Variants in EYA4 observed in about 807,000 individuals in gnomAD.
EYA4 encodes the protein EYA transcriptional coactivator and phosphatase 4, also known as protein phosphatase EYA4.
A neutral mutation model predicts 87.9 loss-of-function variants in EYA4; 31 were observed. That is an observed-to-expected ratio of 0.35 (90% confidence interval 0.27 to 0.48). The LOEUF (loss-of-function observed/expected upper bound fraction) is 0.48, where lower values mean the gene tolerates loss of function less well. Among genes scored for constraint, EYA4 ranks in the 20% least tolerant of loss-of-function variants. The probability of loss-of-function intolerance (pLI) is 0.99; values close to 1 mark genes in which losing one functional copy is unlikely to be tolerated. For synonymous variants in EYA4, 263 were observed against 270.6 expected, an observed-to-expected ratio of 0.97 and a Z score of 0.28; for missense variants, 678 against 761.4, an observed-to-expected ratio of 0.89 and a Z score of 1.29.
intron 2 of EYA4, among the ~76,000 whole-genome samples, chr6:133,279,438 TG>T (rs1430447879): frequency 6.6e-6 from 1 of 152,152 alleles, no homozygotes; most frequent in Non-Finnish European, 1.5e-5. Context: ...TTAATACTTC[TG>T]GAAATTCATT....
At chr6:133,376,750 C>G (rs1785721626) in intron 2 of EYA4, among the ~76,000 whole-genome samples, 2 of 151,710 alleles carry the variant, frequency 1.3e-5, no homozygotes, top group Non-Finnish European at 2.9e-5. Context: ...CCAAAGAGTC[C>G]AGAAATTATG....
At chr6:133,272,375 G>T (rs887136297) in intron 1 of EYA4, among the ~76,000 whole-genome samples, 1 of 152,182 alleles carries the variant, frequency 6.6e-6, no homozygotes, top group Non-Finnish European at 1.5e-5. Flanking sequence ...ACTTACTTGT[G>T]CCTTCAGGAC....
rs140781878 is a variant in EYA4, at chr6:133,459,002, A to G, written c.371-2112A>G. On this transcript the variant is annotated intron_variant, in intron 6 of 19. Transcript: ENST00000355286. ...CGAAATTCTTTCAAGTTTGTACAAG[A>G]TATTCCAGAAACCATTCTGGAAATG... Among the ~76,000 whole-genome samples the G allele has an allele frequency of 2.6e-3, 393 of 152,282 alleles. 1 individual carries two copies. The highest frequency in any genetic ancestry group is 7.5e-3 in the African/African-American group (313 of 41,562).
At chr6:133,276,970 A>G (rs1164241868) in intron 2 of EYA4, among the ~76,000 whole-genome samples, 1 of 152,108 alleles carries the variant, frequency 6.6e-6, no homozygotes, top group East Asian at 1.9e-4. Context: ...TCTTTGAATG[A>G]AATCTTTATA....
chr6:133,393,332 A>G (rs184419803), intron 3 of EYA4, among the ~76,000 whole-genome samples: 1 of 152,338 alleles, frequency 6.6e-6, no homozygotes, highest in East Asian at 1.9e-4. Context: ...TGGGTCAGGC[A>G]CCAAATGCTT....
intron 3 of EYA4, among the ~76,000 whole-genome samples, chr6:133,440,150 C>A (rs778845974): frequency 3.4e-4 from 52 of 152,200 alleles, no homozygotes; most frequent in African/African-American, 1.0e-3. Context: ...GTAATTTGAA[C>A]AACTCTTTAT....
intron 3 of EYA4, among the ~76,000 whole-genome samples, chr6:133,410,678 CT>C (rs1333384880): frequency 5.4e-5 from 8 of 147,988 alleles, no homozygotes; most frequent in Non-Finnish European, 1.2e-4. Flanking sequence ...GCATTGAAGG[CT>C]CCCTACTCTG....
intron 3 of EYA4, among the ~76,000 whole-genome samples, chr6:133,397,039 G>A (rs1008362734): frequency 2.6e-5 from 4 of 152,216 alleles, no homozygotes; most frequent in African/African-American, 9.6e-5. Context: ...CTTAGAAAAT[G>A]TTAGTGAAGC....
intron 2 of EYA4, among the ~76,000 whole-genome samples, chr6:133,317,265 C>A (rs1368082498): frequency 2.0e-5 from 3 of 152,168 alleles, no homozygotes; most frequent in Admixed American, 2.0e-4. Flanking sequence ...GTGTGCAGAT[C>A]TTCATGATGC....
chr6:133,436,897 A>T (rs1028499031), intron 3 of EYA4, among the ~76,000 whole-genome samples: 75 of 152,332 alleles, frequency 4.9e-4, no homozygotes, highest in African/African-American at 1.6e-3. Context: ...TAATGGCTTC[A>T]GAGTTCGAGT....
intron 5 of EYA4, chr6:133,453,089 A>T (rs1260221287): frequency 6.6e-6 from 1 of 152,098 alleles, no homozygotes; most frequent in African/African-American, 2.4e-5. Flanking sequence ...TTAATTTAAG[A>T]AAGACAAAAT....
At chr6:133,474,585 A>T (rs1458937450) in intron 11 of EYA4, among the ~76,000 whole-genome samples, 2 of 152,112 alleles carry the variant, frequency 1.3e-5, no homozygotes, top group Non-Finnish European at 2.9e-5. Flanking sequence ...AATTAATTCT[A>T]CTTATAACTA....
Position 133,387,343 on chromosome 6 carries a change from C to T in EYA4, c.83+4902C>T, listed in dbSNP as rs565270173. Among the ~76,000 whole-genome samples, 8 of 152,282 alleles carry T rather than the reference C, an allele frequency of 5.3e-5. No homozygotes were observed. In the South Asian group the frequency reaches 1.7e-3, roughly 32 times the overall value. On this transcript the variant is annotated intron_variant, in intron 3 of 19. Coordinates refer to ENST00000355286, the MANE Select transcript of EYA4 (RefSeq NM_004100.5). ...TTCAAAGCAGGGAAAGCTGAGGGCT[C>T]CTTTGTGAAACATGCATAGCATTTC... is the stretch of plus-strand genomic sequence containing the variant.
At chr6:133,340,692 G>A (rs1241336585) in intron 2 of EYA4, among the ~76,000 whole-genome samples, 3 of 152,168 alleles carry the variant, frequency 2.0e-5, no homozygotes, top group Admixed American at 1.3e-4. Flanking sequence ...AGAGGGACTC[G>A]AAGCTGAGGT....
chr6:133,400,198 G>C (rs1230362471), intron 3 of EYA4, among the ~76,000 whole-genome samples: 1 of 152,156 alleles, frequency 6.6e-6, no homozygotes, highest in Non-Finnish European at 1.5e-5. Context: ...AGTATACACT[G>C]ATACAGATGC....
At chr6:133,318,698 C>G (rs1174333249) in intron 2 of EYA4, among the ~76,000 whole-genome samples, 1 of 151,746 alleles carries the variant, frequency 6.6e-6, no homozygotes, top group Non-Finnish European at 1.5e-5. Context: ...TTTTAAACAT[C>G]CAGCATACCT....
intron 5 of EYA4, among the ~76,000 whole-genome samples, chr6:133,456,109 T>G (rs1793883474): frequency 6.6e-6 from 1 of 152,182 alleles, no homozygotes; most frequent in African/African-American, 2.4e-5. Context: ...GAGCCCATGG[T>G]TTCTATACTT....
chr6:133,317,688 C>T (rs888017469), intron 2 of EYA4, among the ~76,000 whole-genome samples: 3 of 152,090 alleles, frequency 2.0e-5, no homozygotes, highest in African/African-American at 4.8e-5. Flanking sequence ...TTCTCTTCAT[C>T]GTGTCCTTTC....
chr6:133,450,221 G>T (rs531921868), intron 5 of EYA4, among the ~76,000 whole-genome samples: 1 of 152,108 alleles, frequency 6.6e-6, no homozygotes, highest in Non-Finnish European at 1.5e-5. Context: ...TCCTGACTTC[G>T]TGATCGGCCC....
Sources: allele counts gnomAD v4.1 joint callset (sites outside exome capture counted in the v4.1 genomes callset), GRCh38; gene constraint gnomAD v4.1.1; transcripts MANE v1.5; gene names NCBI Gene and HGNC (gene_info 2026-07-23, HGNC 2026-07-21).